AFG3L2: variants seen among roughly 807,000 people sequenced by gnomAD.
AFG3L2 encodes mitochondrial inner membrane m-AAA protease component AFG3L2.
In AFG3L2, 54 loss-of-function variants were observed where a neutral mutation model predicts 94.5. That is an observed-to-expected ratio of 0.57 (90% confidence interval 0.46 to 0.72). The LOEUF (loss-of-function observed/expected upper bound fraction) is 0.72. AFG3L2 is among the 30% of genes least tolerant of loss of function. AFG3L2 has a pLI of 0.00. For missense variants in AFG3L2, 754 were observed against 994.9 expected (o/e 0.76, Z 3.26); for synonymous variants, 377 against 365.5 (o/e 1.03, Z -0.36).
intron 1 of AFG3L2, among the ~76,000 whole-genome samples, chr18:12,375,082 G>GAA (rs2143246384): frequency 6.7e-6 from 1 of 150,168 alleles, no homozygotes; most frequent in Admixed American, 6.6e-5. Flanking sequence ...GAAAAGAAAA[G>GAA]AAAAGGGATC....
chr18:12,361,171 AC>A (rs754714571), intron 6 of AFG3L2, among the ~76,000 whole-genome samples: 96 of 151,914 alleles, frequency 6.3e-4, no homozygotes, highest in Admixed American at 1.2e-3. Context: ...GGAGTTTGAG[AC>A]CCCCCTGGCC....
At chr18:12,341,155 G>A (rs112581206) in intron 14 of AFG3L2, 7 of 152,332 alleles carry the variant, frequency 4.6e-5, no homozygotes, top group African/African-American at 1.7e-4. Flanking sequence ...ATTCAACTCT[G>A]CTGTCGGACG....
Position 12,337,411 on chromosome 18 carries a change from C to T in AFG3L2, c.2105G>A (p.Arg702Gln), listed in dbSNP as rs151344523. 2.5e-6 allele frequency: 4 copies of T among 1,613,910 alleles called. No individual in the cohort carries two copies. Among genetic ancestry groups the T allele is most frequent in the South Asian group, 1.1e-5 (1 of 91,086 alleles). ...ATARLIDDEV[R>Q]ILINDAYKRT... is the part of the protein sequence containing the mutation. ...TTTATAAGCATCATTAATAAGTATT[C>T]GTACTTCATCATCTATCAATCTTGC... Residue 702 changes from arginine to glutamine, a missense_variant, in exon 16 of 17, where the codon CGA (arginine) becomes CAA (glutamine). Arg to Gln is a conservative substitution (Grantham distance 43, BLOSUM62 1). Around this residue, in one of 4 missense-constraint regions of AFG3L2, gnomAD observed 279 missense variants for 378.6 expected, o/e 0.74. Transcript: ENST00000269143.
At chr18:12,355,649 T>C (rs1400608091) in intron 9 of AFG3L2, among the ~76,000 whole-genome samples, 3 of 152,100 alleles carry the variant, frequency 2.0e-5, no homozygotes, top group African/African-American at 7.2e-5. Context: ...TTTGGGTAGT[T>C]TGCTTAGGAC....
rs143266686 is a variant in AFG3L2, at chr18:12,331,540, C to T, written c.2176-1757G>A. Among the ~76,000 whole-genome samples, 834 of 152,240 alleles carry T rather than the reference C, an allele frequency of 5.5e-3. 8 individuals are homozygous for T. Among genetic ancestry groups the T allele is most frequent in the African/African-American group, 0.019 (800 of 41,510 alleles). The stretch of plus-strand genomic sequence containing the variant: ...ATATATGGCCACGCGCAATGGCTCA[C>T]GCCTGTAATCCCAGCACTTTGGGGC... On this transcript the variant is annotated intron_variant, in intron 16 of 16. Transcript: ENST00000269143.
At chr18:12,365,661 C>G (rs1394346614) in intron 5 of AFG3L2, among the ~76,000 whole-genome samples, 1 of 152,134 alleles carries the variant, frequency 6.6e-6, no homozygotes, top group Non-Finnish European at 1.5e-5. Context: ...AGCAGCTGCT[C>G]ATTTGAGTAG....
intron 3 of AFG3L2, among the ~76,000 whole-genome samples, chr18:12,368,384 CA>C (rs953800695): frequency 3.3e-5 from 5 of 151,942 alleles, no homozygotes; most frequent in African/African-American, 4.8e-5. Flanking sequence ...CAAAACAAAA[CA>C]AAAGTAAGTA....
intron 16 of AFG3L2, among the ~76,000 whole-genome samples, chr18:12,332,972 A>ATACTATAATATAT (rs1907597831): frequency 3.6e-5 from 1 of 28,124 alleles, no homozygotes; most frequent in Non-Finnish European, 1.0e-4. Context: ...AATATATTAT[A>ATACTATAATATAT]TATTATATAA....
chr18:12,377,078 GC>G lies in AFG3L2; in HGVS notation c.4del (p.Ala2ArgfsTer54). ...GCCCCACAGCCGCAAACAGCGGTGC[GC>G]CATGGCCGCCGCCGTGGCCCTCTCG... MAHRCLRLWGRG... is the reference protein window; with the variant it reads MXHRCLRLWGRG... On this transcript the variant is annotated frameshift_variant, in exon 1 of 17. Coordinates refer to ENST00000269143, the MANE Select transcript of AFG3L2 (RefSeq NM_006796.3). LOFTEE classifies it high-confidence loss of function. 7.1e-7 allele frequency: 1 copy of G among 1,418,094 alleles called. No individual in the cohort carries two copies. Among genetic ancestry groups the G allele is most frequent in the Non-Finnish European group, 9.2e-7 (1 of 1,085,728 alleles). The allele number at this position is 1,418,094 out of a possible 1,614,324, so 87.8% of individuals were successfully genotyped here. A position where few individuals can be genotyped will look rare whatever the true frequency, so the allele number is the denominator to read the frequency against.
chr18:12,369,658 T>C (rs866268808), intron 3 of AFG3L2, among the ~76,000 whole-genome samples: 6 of 149,088 alleles, frequency 4.0e-5, no homozygotes, highest in Middle Eastern at 6.9e-3. Flanking sequence ...GAGGCAGAGG[T>C]TGCAGTGAGA....
chr18:12,367,307 T>C lies in AFG3L2; in HGVS notation c.368A>G (p.Asp123Gly), dbSNP rs1568145530. Residue 123 changes from aspartate (D) to glycine (G), a missense_variant, in exon 4 of 17, where the codon GAT becomes GGT. Coordinates refer to ENST00000269143, the MANE Select transcript of AFG3L2 (RefSeq NM_006796.3). ...GGGGKRGGKK[D>G]DSHWWSRFQK... is the part of the protein sequence containing the mutation. ...AAACCTGGACCACCAGTGAGAATCA[T>C]CTTTCTTGCCACCTCGTTTTCCACC... 1 of 1,614,222 alleles carries C rather than the reference T, an allele frequency of 6.2e-7. No individual in the cohort carries two copies.
At chr18:12,340,145 A>G (rs1907900475) in intron 15 of AFG3L2, 56 bp downstream of exon 15, 1 of 1,501,818 alleles carries the variant, frequency 6.7e-7, no homozygotes, top group Admixed American at 1.7e-5. Flanking sequence ...TAGAATGTCA[A>G]TTTCTCGTGC....
Position 12,346,815 on chromosome 18 carries a change from A to G in AFG3L2, c.1663+1458T>C, listed in dbSNP as rs554554012. On this transcript the variant is annotated intron_variant, in intron 13 of 16. Transcript: ENST00000269143. ...GCTGTTTGGGAGGCTGAGGGAGGAGAATTGCTTGAACTCGGAAGGTGGAGG... is the reference window on the plus strand; with the variant it reads ...GCTGTTTGGGAGGCTGAGGGAGGAGGATTGCTTGAACTCGGAAGGTGGAGG... Among the ~76,000 whole-genome samples, 7 of 150,170 alleles carry G rather than the reference A, an allele frequency of 4.7e-5. No homozygotes were observed. The South Asian group carries it at 1.5e-3, about 32-fold the overall frequency.
intron 14 of AFG3L2, chr18:12,342,355 G>A (rs1039452110): frequency 2.0e-5 from 3 of 152,096 alleles, no homozygotes; most frequent in Admixed American, 1.3e-4. Context: ...TATACCTTCT[G>A]GGAAATGCAT....
chr18:12,341,934 G>A (rs942103733), intron 14 of AFG3L2: 2 of 152,148 alleles, frequency 1.3e-5, no homozygotes, highest in Non-Finnish European at 2.9e-5. Flanking sequence ...TGTAGCCTCC[G>A]CCTCTTGGGT....
At chr18:12,352,166 T>A (rs1042038786) in intron 10 of AFG3L2, among the ~76,000 whole-genome samples, 1 of 152,114 alleles carries the variant, frequency 6.6e-6, no homozygotes, top group South Asian at 2.1e-4. Context: ...CATTTCTCAG[T>A]GTAAATGCCA....
intron 3 of AFG3L2, among the ~76,000 whole-genome samples, chr18:12,370,053 T>TC (rs1296744165): frequency 4.7e-4 from 28 of 59,570 alleles, no homozygotes; most frequent in African/African-American, 2.7e-3. Flanking sequence ...AGACTCTGTC[T>TC]CAAAAAAAAA....
intron 16 of AFG3L2, among the ~76,000 whole-genome samples, chr18:12,333,922 C>T (rs1907664889): frequency 1.3e-5 from 2 of 152,152 alleles, no homozygotes; most frequent in African/African-American, 4.8e-5. Flanking sequence ...ACTGTATGAC[C>T]CTAAGCAAAG....
At chr18:12,368,446 G>A (rs918473974) in intron 3 of AFG3L2, among the ~76,000 whole-genome samples, 6 of 152,214 alleles carry the variant, frequency 3.9e-5, no homozygotes, top group African/African-American at 1.2e-4. Context: ...TTCTTGTGCA[G>A]GAAAGCCCAT....
Sources: gnomAD v4.1 joint callset for allele counts (sites outside exome capture counted in the v4.1 genomes callset) on GRCh38, gnomAD v4.1.1 for gene constraint, gnomAD v4.1.1 regional missense constraint, MANE v1.5 for transcripts, NCBI Gene and HGNC (gene_info 2026-07-23, HGNC 2026-07-21) for gene names.